CPS1: variants seen among roughly 807,000 people sequenced by gnomAD.
The protein encoded by CPS1 is carbamoyl-phosphate synthase [ammonia], mitochondrial.
In CPS1, 109 loss-of-function variants were observed where a neutral mutation model predicts 174.6. That is an observed-to-expected ratio of 0.62 (90% CI 0.53 to 0.73). The LOEUF (loss-of-function observed/expected upper bound fraction) is 0.73. CPS1 is among the 30% of genes least tolerant of loss of function. The pLI is 0.00. For missense variants in CPS1, 1,689 were observed against 1,821.9 expected, an observed-to-expected ratio of 0.93 and a Z score of 1.33; for synonymous variants, 637 against 632.0, an observed-to-expected ratio of 1.01 and a Z score of -0.12.
chr2:210,677,659 T>C (rs1701576046), intron 37 of CPS1, among the ~76,000 whole-genome samples: 1 of 152,164 alleles, frequency 6.6e-6, no homozygotes, highest in African/African-American at 2.4e-5. Context: ...TTAATCCCTA[T>C]GGGAGGAGAA....
intron 6 of CPS1, 94 bp downstream of exon 6, chr2:210,582,803 C>A: frequency 1.1e-6 from 1 of 951,708 alleles, no homozygotes; most frequent in Non-Finnish European, 1.7e-6. Context: ...AGTTTATCTT[C>A]CAGAAGCACC....
intron 10 of CPS1, 97 bp downstream of exon 10, chr2:210,592,066 A>G (rs1698322733): frequency 1.4e-6 from 2 of 1,379,418 alleles, no homozygotes; most frequent in Non-Finnish European, 2.0e-6. Context: ...TATGAGATAC[A>G]TGTGATATTT....
intron 1 of CPS1, among the ~76,000 whole-genome samples, chr2:210,489,997 C>CAA (rs10604397): frequency 1.1e-5 from 1 of 88,398 alleles, no homozygotes; most frequent in East Asian, 3.0e-4. Context: ...GACTCTGTCT[C>CAA]AAAAAAAAAA....
In CPS1 at chr2:210,556,629, T is replaced by C. The variant is rs1041363077; in HGVS notation, c.-105T>C. 5 of 1,555,092 alleles carry C rather than the reference T, an allele frequency of 3.2e-6. No homozygotes were observed. The highest frequency in any genetic ancestry group is 4.3e-6 in the Non-Finnish European group (5 of 1,150,900). On this transcript the variant is annotated 5_prime_UTR_variant, in exon 1 of 38. Transcript: ENST00000233072. ...TCGCTGTGCAGTCAGCCTTAAACAC[T>C]GACTGCACCCCTCCCAGATTTCTTT...
intron 1 of CPS1, among the ~76,000 whole-genome samples, chr2:210,567,208 A>T (rs949823816): frequency 7.9e-5 from 12 of 152,158 alleles, no homozygotes; most frequent in African/African-American, 2.9e-4. Flanking sequence ...GTATTTTAAC[A>T]TTTGAACTCA....
intron 1 of CPS1, among the ~76,000 whole-genome samples, chr2:210,526,322 G>A (rs1695971808): frequency 6.6e-6 from 1 of 151,354 alleles, no homozygotes; most frequent in African/African-American, 2.4e-5. Flanking sequence ...CATGGCACAT[G>A]TATACCTATG....
intron 21 of CPS1, 134 bp downstream of exon 21, chr2:210,616,675 C>A: frequency 1.4e-6 from 1 of 710,626 alleles, no homozygotes; most frequent in Non-Finnish European, 2.5e-6. Flanking sequence ...AAAATAGTAC[C>A]CGTAGCCAGA....
At chr2:210,485,246 T>A (rs199826095) in intron 1 of CPS1, among the ~76,000 whole-genome samples, 189 of 146,700 alleles carry the variant, frequency 1.3e-3, no homozygotes, top group East Asian at 0.01. Flanking sequence ...AAAAAAAAAA[T>A]AAAATAAAAA....
At position 210,677,049 on chromosome 2, in the gene CPS1, C is replaced by A. The variant is rs534152112; in HGVS notation, c.4317C>A (p.Pro1439=). ...DGSIDLVINL[P]NNNTKFVHDN... ...GCATTGACCTAGTGATTAACCTTCC[C>A]AACAACAACACTAAATTTGTCCATG... Residue 1439 remains proline, a synonymous_variant, in exon 37 of 38, where the codon CCC becomes CCA. Coordinates refer to ENST00000233072, the MANE Select transcript of CPS1 (RefSeq NM_001875.5). 3.2e-5 allele frequency: 52 copies of A among 1,613,486 alleles called. No homozygotes were observed. The highest frequency in any genetic ancestry group is 1.7e-6 in the Non-Finnish European group (2 of 1,179,612).
chr2:210,546,167 G>T (rs779636017), intron 1 of CPS1, among the ~76,000 whole-genome samples: 10 of 151,946 alleles, frequency 6.6e-5, no homozygotes, highest in Non-Finnish European at 1.2e-4. Flanking sequence ...TTTATTCTCG[G>T]ATCTAGCACC....
chr2:210,554,852 C>CACACAA (rs1423581585), upstream of CPS1, among the ~76,000 whole-genome samples: 3 of 151,464 alleles, frequency 2.0e-5, no homozygotes, highest in Admixed American at 2.0e-4. Flanking sequence ...CACACACACA[C>CACACAA]ACACACACAC....
At chr2:210,507,703 A>C (rs1002726972) in intron 1 of CPS1, among the ~76,000 whole-genome samples, 1 of 151,814 alleles carries the variant, frequency 6.6e-6, no homozygotes, top group African/African-American at 2.4e-5. Flanking sequence ...CAAATGGAAA[A>C]CAAAAAAAGG....
rs2105850334 is a variant in CPS1 at position 210,606,946 on chromosome 2, G to T, written c.2192+5G>T. On this transcript the variant is annotated splice_donor_5th_base_variant and intron_variant, in intron 18 of 37. Coordinates refer to ENST00000233072, the MANE Select transcript of CPS1 (RefSeq NM_001875.5). ...TCTGGCCTCAAAAGCCACTGGGTAA[G>T]ACCAGAATAATTGACCATGGGTTTG... 2 of 1,609,960 alleles carry T rather than the reference G, an allele frequency of 1.2e-6. No individual in the cohort carries two copies. The highest frequency in any genetic ancestry group is 2.2e-5 in the East Asian group (1 of 44,690).
In CPS1 at chr2:210,585,892, T is replaced by C. The variant is rs147361744; in HGVS notation, c.622-2166T>C. Among the ~76,000 whole-genome samples, 1,082 of 151,760 alleles carry C rather than the reference T, an allele frequency of 7.1e-3. 26 individuals are homozygous for C. The highest frequency in any genetic ancestry group is 0.04 in the East Asian group (206 of 5,100). ...CCGCTCCTGTGACAAAACCTTGTCA[T>C]TGAGAGTCTTTAGAAAGGATGTTCC... On this transcript the variant is annotated intron_variant, in intron 6 of 37. Transcript: ENST00000233072.
chr2:210,556,454 T>C (rs1476071348), upstream of CPS1: 1 of 762,672 alleles, frequency 1.3e-6, no homozygotes, highest in Admixed American at 2.2e-5. Context: ...CCCAGCATTA[T>C]TTTAGCAGGA....
intron 25 of CPS1, among the ~76,000 whole-genome samples, chr2:210,644,552 A>G (rs533537177): frequency 6.6e-6 from 1 of 152,308 alleles, no homozygotes; most frequent in Admixed American, 6.5e-5. Context: ...GTGTACAGAT[A>G]GTAGAATTTT....
intron 1 of CPS1, among the ~76,000 whole-genome samples, chr2:210,545,111 GT>G (rs1696527078): frequency 6.6e-6 from 1 of 152,006 alleles, no homozygotes; most frequent in African/African-American, 2.4e-5. Flanking sequence ...GTAGCACAGG[GT>G]TTTTCAAGCC....
intron 21 of CPS1, among the ~76,000 whole-genome samples, chr2:210,625,124 T>C (rs1481587061): frequency 1.3e-5 from 2 of 152,018 alleles, no homozygotes; most frequent in Admixed American, 1.3e-4. Flanking sequence ...GTACCTACTA[T>C]GTGTAAGGTT....
intron 1 of CPS1, among the ~76,000 whole-genome samples, chr2:210,498,823 A>G (rs1040893046): frequency 7.9e-5 from 12 of 151,946 alleles, no homozygotes; most frequent in African/African-American, 2.7e-4. Flanking sequence ...CTGGACCACA[A>G]TCTCTGCACA....
Sources: allele counts gnomAD v4.1 joint callset (sites outside exome capture counted in the v4.1 genomes callset), GRCh38; gene constraint gnomAD v4.1.1; transcripts MANE v1.5; gene names NCBI Gene and HGNC (gene_info 2026-07-23, HGNC 2026-07-21).